Variants in MAML3 observed in about 807,000 individuals in gnomAD.
The protein encoded by MAML3 is mastermind like transcriptional coactivator 3.
In MAML3, 27 loss-of-function variants were observed where a neutral mutation model predicts 101.9. The observed-to-expected ratio is 0.27, with a 90% confidence interval of 0.20 to 0.37. MAML3 has a LOEUF of 0.37. Among genes scored for constraint, MAML3 ranks in the 10% least tolerant of loss-of-function variants. MAML3 has a pLI of 1.00. For synonymous variants in MAML3, 501 were observed against 555.9 expected, an observed-to-expected ratio of 0.90 and a Z score of 1.39; for missense variants, 1,316 against 1,444.9, an observed-to-expected ratio of 0.91 and a Z score of 1.45.
chr4:140,103,107 A>G (rs960527163), intron 1 of MAML3, among the ~76,000 whole-genome samples: 6 of 152,302 alleles, frequency 3.9e-5, no homozygotes, highest in African/African-American at 1.4e-4. Flanking sequence ...TTGCTCTGCT[A>G]CTAGAAGTCA....
At chr4:139,969,388 C>T (rs1414529740) in intron 1 of MAML3, among the ~76,000 whole-genome samples, 1 of 152,024 alleles carries the variant, frequency 6.6e-6, no homozygotes, top group Non-Finnish European at 1.5e-5. Flanking sequence ...CTTCTACTTC[C>T]CCACATTTTT....
At chr4:139,893,147 C>G (rs879265898) in intron 1 of MAML3, among the ~76,000 whole-genome samples, 1 of 152,162 alleles carries the variant, frequency 6.6e-6, no homozygotes. Flanking sequence ...TTCACCTTTA[C>G]GGTGCTAAGC....
intron 3 of MAML3, 78 bp from the exon 4 acceptor site, chr4:139,725,913 A>G: frequency 1.6e-6 from 2 of 1,216,850 alleles, no homozygotes; most frequent in Admixed American, 3.6e-5. Context: ...AGCAGTTCCG[A>G]GGAAGGTAGT....
At chr4:140,005,407 T>G (rs1340838203) in intron 1 of MAML3, among the ~76,000 whole-genome samples, 1 of 152,242 alleles carries the variant, frequency 6.6e-6, no homozygotes, top group Non-Finnish European at 1.5e-5. Flanking sequence ...TGTCCTCCAA[T>G]GTTGGAAACA....
chr4:139,725,359 G>A (rs1036430337), intron 4 of MAML3, among the ~76,000 whole-genome samples: 1 of 152,176 alleles, frequency 6.6e-6, no homozygotes, highest in African/African-American at 2.4e-5. Flanking sequence ...TTTTGCCCCT[G>A]TAGTCACTAA....
At chr4:139,831,029 A>T (rs1357249147) in intron 2 of MAML3, among the ~76,000 whole-genome samples, 1 of 152,208 alleles carries the variant, frequency 6.6e-6, no homozygotes, top group Non-Finnish European at 1.5e-5. Context: ...GGAGATCAGT[A>T]AAAAATGAGA....
chr4:140,066,251 T>C (rs1261548755), intron 1 of MAML3, among the ~76,000 whole-genome samples: 2 of 152,198 alleles, frequency 1.3e-5, no homozygotes, highest in East Asian at 3.9e-4. Flanking sequence ...TGATAATCAC[T>C]CTAGCCTTGG....
intron 2 of MAML3, among the ~76,000 whole-genome samples, chr4:139,736,571 T>C (rs568249569): frequency 5.9e-5 from 9 of 152,148 alleles, no homozygotes; most frequent in Non-Finnish European, 1.2e-4. Flanking sequence ...TGAAGTGTCA[T>C]AGAAAGGAAA....
intron 2 of MAML3, among the ~76,000 whole-genome samples, chr4:139,826,903 G>T (rs1731071104): frequency 6.8e-6 from 1 of 148,086 alleles, no homozygotes; most frequent in South Asian, 2.2e-4. Flanking sequence ...TACAAGATAG[G>T]GAAACTAAAC....
rs1357343556 is a variant in MAML3, at chr4:139,730,677, CAAG to C, written c.2080-13_2080-11del. The C allele has an allele frequency of 6.2e-7, 1 of 1,608,506 alleles. No individual in the cohort carries two copies. Among genetic ancestry groups the C allele is most frequent in the East Asian group, 2.2e-5 (1 of 44,778 alleles). ...CAACTGGATGCTGCTCCTGGGAAGA[CAAG>C]AGAGAGGGAGATGCAGGGATTCCCC... is the stretch of plus-strand genomic sequence containing the variant. On this transcript the variant is annotated splice_polypyrimidine_tract_variant and intron_variant, in intron 2 of 4. Coordinates refer to ENST00000509479, the MANE Select transcript of MAML3 (RefSeq NM_018717.5).
At chr4:139,933,593 T>A (rs769678) in intron 1 of MAML3, among the ~76,000 whole-genome samples, 3,303 of 152,250 alleles carry the variant, frequency 0.022, 119 homozygotes, top group African/African-American at 0.076. Context: ...GCCTACATCC[T>A]GGGAGTGAGT....
At chr4:140,086,715 A>G (rs1727957699) in intron 1 of MAML3, among the ~76,000 whole-genome samples, 1 of 152,290 alleles carries the variant, frequency 6.6e-6, no homozygotes, top group South Asian at 2.1e-4. Context: ...GGTGAACGAG[A>G]GAAGAGGGGA....
At position 139,730,646 on chromosome 4, in the gene MAML3, G is replaced by C. The variant is rs764252473; in HGVS notation, c.2101C>G (p.Pro701Ala). 2 of 1,612,880 alleles carry C rather than the reference G, an allele frequency of 1.2e-6. No homozygotes were observed. Among genetic ancestry groups the C allele is most frequent in the Non-Finnish European group, 1.7e-6 (2 of 1,179,442 alleles). The change falls in exon 3 of 5, where the codon CCC (proline) becomes GCC (alanine). Residue 701 changes from proline (P) to alanine (A), a missense_variant. Transcript: ENST00000509479. Reference sequence around the variant, plus strand: ...GACTGCATGGGGCCTGTGGTTCGGGGAAGTCCAACTGGATGCTGCTCCTGG... The same window carrying C: ...GACTGCATGGGGCCTGTGGTTCGGGCAAGTCCAACTGGATGCTGCTCCTGG... ...HGQEQHPVGLPRTTGPMQSSV... is the reference protein window; with the variant it reads ...HGQEQHPVGLARTTGPMQSSV...
intron 2 of MAML3, among the ~76,000 whole-genome samples, chr4:139,789,837 G>A (rs1262270196): frequency 1.3e-5 from 2 of 152,044 alleles, no homozygotes; most frequent in African/African-American, 4.8e-5. Context: ...GAAAGGAGAA[G>A]GGTGATGAAA....
At chr4:140,005,076 G>A (rs1726423232) in intron 1 of MAML3, among the ~76,000 whole-genome samples, 1 of 152,212 alleles carries the variant, frequency 6.6e-6, no homozygotes, top group South Asian at 2.1e-4. Context: ...TGGGGTGCTG[G>A]TGAATGTGGA....
intron 2 of MAML3, among the ~76,000 whole-genome samples, chr4:139,885,905 C>G (rs1345113685): frequency 9.5e-6 from 1 of 105,666 alleles, no homozygotes; most frequent in Non-Finnish European, 1.9e-5. Context: ...TGCACTCCAG[C>G]CTGGGCGACA....
In MAML3 at chr4:140,004,766, A is replaced by T. The variant is rs543139446; in HGVS notation, c.469-113799T>A. 1.6e-4 allele frequency among the ~76,000 whole-genome samples: 25 copies of T among 152,106 alleles called. No individual in the cohort carries two copies. The South Asian group carries it at 5.0e-3, about 30-fold the overall frequency. On this transcript the variant is annotated intron_variant, in intron 1 of 4. Transcript: ENST00000509479. ...CCAGACCCGCTCTCCCTGCCAGCCC[A>T]GGGCTCCCAGCAGCTGCTCCCCAGT...
At chr4:140,026,801 C>T (rs999702427) in intron 1 of MAML3, among the ~76,000 whole-genome samples, 2 of 152,136 alleles carry the variant, frequency 1.3e-5, no homozygotes, top group African/African-American at 2.4e-5. Flanking sequence ...GTTCTAATTC[C>T]GCATAAACAC....
intron 2 of MAML3, among the ~76,000 whole-genome samples, chr4:139,778,541 T>A (rs1730134233): frequency 6.6e-6 from 1 of 152,234 alleles, no homozygotes; most frequent in Non-Finnish European, 1.5e-5. Context: ...TTGGATCACC[T>A]GTCAGGATGA....
Sources: allele counts gnomAD v4.1 joint callset (sites outside exome capture counted in the v4.1 genomes callset), GRCh38; gene constraint gnomAD v4.1.1; transcripts MANE v1.5; gene names NCBI Gene and HGNC (gene_info 2026-07-23, HGNC 2026-07-21).